Variants in SRGAP1 observed in about 807,000 individuals in gnomAD.
SRGAP1 encodes SLIT-ROBO Rho GTPase-activating protein 1.
Under a neutral mutation model 121.9 loss-of-function variants are expected in SRGAP1, and 43 were observed. The observed-to-expected ratio is 0.35, with a 90% confidence interval of 0.28 to 0.46. SRGAP1 has a LOEUF of 0.46. Ranked by LOEUF, SRGAP1 falls within the 20% of genes least tolerant of loss-of-function variation. The pLI is 1.00. For missense variants in SRGAP1, 1,102 were observed against 1,350.9 expected, an observed-to-expected ratio of 0.82 and a Z score of 2.89; for synonymous variants, 447 against 485.4, an observed-to-expected ratio of 0.92 and a Z score of 1.04.
intron 1 of SRGAP1, among the ~76,000 whole-genome samples, chr12:63,981,381 A>C (rs2033241665): frequency 6.6e-6 from 1 of 152,194 alleles, no homozygotes; most frequent in South Asian, 2.1e-4. Context: ...ACAAACAAAA[A>C]AAACCCCAGA....
At chr12:64,017,428 G>T (rs2034432862) in intron 4 of SRGAP1, among the ~76,000 whole-genome samples, 1 of 152,148 alleles carries the variant, frequency 6.6e-6, no homozygotes, top group Non-Finnish European at 1.5e-5. Flanking sequence ...GCCAAGGCTG[G>T]TGGATCACTT....
At chr12:63,964,470 G>C (rs2032729617) in intron 1 of SRGAP1, among the ~76,000 whole-genome samples, 1 of 151,968 alleles carries the variant, frequency 6.6e-6, no homozygotes, top group Non-Finnish European at 1.5e-5. Context: ...GCCCTAAAGA[G>C]GATTAGTAAC....
At position 64,080,359 on chromosome 12, in the gene SRGAP1, C is replaced by T. The variant is rs758168487; in HGVS notation, c.1397C>T (p.Thr466Ile). ...GCCAAACATGACTTGCTGCAGAGGA[C>T]CCTGGGAGAAGGTGAGTTATCCAAA... is the stretch of plus-strand genomic sequence containing the variant. ...LQAKHDLLQR[T>I]LGEGHRAEYM... The change falls in exon 10 of 22, where the codon ACC becomes ATC. Residue 466 changes from threonine to isoleucine, a missense_variant. Thr to Ile is a moderately conservative substitution (Grantham distance 89). Coordinates refer to ENST00000355086, the MANE Select transcript of SRGAP1 (RefSeq NM_020762.4). The T allele has an allele frequency of 1.2e-6, 2 of 1,613,216 alleles. No homozygotes were observed. Among genetic ancestry groups the T allele is most frequent in the African/African-American group, 2.7e-5 (2 of 74,978 alleles).
At chr12:63,917,218 C>G (rs566958548) in intron 1 of SRGAP1, among the ~76,000 whole-genome samples, 1 of 152,096 alleles carries the variant, frequency 6.6e-6, no homozygotes, top group African/African-American at 2.4e-5. Flanking sequence ...TAGTAAACAC[C>G]GTATAAAGCG....
intron 1 of SRGAP1, among the ~76,000 whole-genome samples, chr12:63,859,195 G>A (rs547839084): frequency 6.6e-6 from 1 of 151,910 alleles, no homozygotes; most frequent in Non-Finnish European, 1.5e-5. Context: ...TTTTTGAGAC[G>A]AGGTCTTACT....
At position 64,127,668 on chromosome 12, in the gene SRGAP1, C is replaced by G; in HGVS notation, c.2484C>G (p.Ser828=). The change falls in exon 20 of 22, where the codon TCC becomes TCG. Residue 828 remains serine (S), a synonymous_variant. Transcript: ENST00000355086. ...ASSGPVTEDK[S]SSKDMNSPTD... is the part of the protein sequence containing the mutation. ...GTGGGCCAGTCACGGAAGACAAGTC[C>G]TCATCCAAGGACATGAACTCCCCGA... 1 of 1,614,104 alleles carries G rather than the reference C, an allele frequency of 6.2e-7. No individual in the cohort carries two copies. The highest frequency in any genetic ancestry group is 8.5e-7 in the Non-Finnish European group (1 of 1,180,014).
chr12:64,077,657 T>TAATA (rs927277580), intron 8 of SRGAP1, among the ~76,000 whole-genome samples: 1 of 151,888 alleles, frequency 6.6e-6, no homozygotes, highest in Non-Finnish European at 1.5e-5. Context: ...ACTAGGAGAT[T>TAATA]AATAAATAAA....
chr12:64,083,427 C>G (rs2035882980), intron 10 of SRGAP1, among the ~76,000 whole-genome samples: 1 of 152,208 alleles, frequency 6.6e-6, no homozygotes, highest in Non-Finnish European at 1.5e-5. Flanking sequence ...TTTTGGTAGG[C>G]TGCCAATGGC....
At chr12:63,900,448 C>T (rs2029878998) in intron 1 of SRGAP1, among the ~76,000 whole-genome samples, 1 of 151,776 alleles carries the variant, frequency 6.6e-6, no homozygotes, top group South Asian at 2.1e-4. Context: ...TTGTGGTCCA[C>T]CCGCCTCAGC....
rs763702001 is a variant in SRGAP1 at position 63,932,320 on chromosome 12, G to A, written c.68-51627G>A. Among the ~76,000 whole-genome samples the A allele has an allele frequency of 7.9e-5, 12 of 152,206 alleles. No homozygotes were observed. The South Asian group carries it at 8.3e-4, about 11-fold the overall frequency. ...AAAATAGATTCTGAGTTTGAAAACC[G>A]TAGAATGTGTCAAATCAAACACATG... is the stretch of plus-strand genomic sequence containing the variant. On this transcript the variant is annotated intron_variant, in intron 1 of 21. Coordinates refer to ENST00000355086, the MANE Select transcript of SRGAP1 (RefSeq NM_020762.4).
At chr12:63,955,046 G>C (rs1045338104) in intron 1 of SRGAP1, among the ~76,000 whole-genome samples, 1 of 152,154 alleles carries the variant, frequency 6.6e-6, no homozygotes, top group African/African-American at 2.4e-5. Flanking sequence ...GGCCCGGCGC[G>C]GTGGCTCGCG....
At chr12:64,041,320 C>T (rs1351245440) in intron 4 of SRGAP1, among the ~76,000 whole-genome samples, 1 of 151,604 alleles carries the variant, frequency 6.6e-6, no homozygotes, top group Non-Finnish European at 1.5e-5. Flanking sequence ...GTAGGATGAT[C>T]TCAGTTTTTT....
At chr12:64,055,039 A>G (rs1181510535) in intron 6 of SRGAP1, among the ~76,000 whole-genome samples, 12 of 151,544 alleles carry the variant, frequency 7.9e-5, no homozygotes, top group Admixed American at 6.6e-4. Flanking sequence ...AGGGTATTCA[A>G]TTAGGAAAAG....
intron 1 of SRGAP1, among the ~76,000 whole-genome samples, chr12:63,976,086 T>C (rs1163569244): frequency 6.6e-6 from 1 of 152,240 alleles, no homozygotes; most frequent in Non-Finnish European, 1.5e-5. Context: ...CCACTGATGC[T>C]TCTAAGCATC....
intron 1 of SRGAP1, among the ~76,000 whole-genome samples, chr12:63,860,032 G>A (rs139194672): frequency 1.2e-4 from 19 of 152,252 alleles, no homozygotes; most frequent in African/African-American, 4.6e-4. Flanking sequence ...CTGGGATGGG[G>A]TCTAACTGTG....
At chr12:63,982,142 C>T (rs1205751918) in intron 1 of SRGAP1, among the ~76,000 whole-genome samples, 1 of 151,620 alleles carries the variant, frequency 6.6e-6, no homozygotes, top group Non-Finnish European at 1.5e-5. Context: ...ACCCGGGAGG[C>T]GGAGCTTGCA....
chr12:63,868,047 TATATATATA>T (rs200835547), intron 1 of SRGAP1, among the ~76,000 whole-genome samples: 4,275 of 33,686 alleles, frequency 0.13, 100 homozygotes, highest in East Asian at 0.22. Context: ...TATATATATA[TATATATATA>T]TTTTTTTTTT....
chr12:63,874,737 T>G (rs1374325550), intron 1 of SRGAP1, among the ~76,000 whole-genome samples: 1 of 152,154 alleles, frequency 6.6e-6, no homozygotes, highest in African/African-American at 2.4e-5. Context: ...GTATATAAAG[T>G]GCTAGAAGAA....
rs114743708 is a variant in SRGAP1, at chr12:64,015,810, G to A, written c.427-1140G>A. Among the ~76,000 whole-genome samples the A allele has an allele frequency of 5.9e-3, 897 of 152,206 alleles. 11 individuals carry two copies. The highest frequency in any genetic ancestry group is 0.021 in the African/African-American group (852 of 41,528). On this transcript the variant is annotated intron_variant, in intron 3 of 21. Coordinates refer to ENST00000355086, the MANE Select transcript of SRGAP1 (RefSeq NM_020762.4). The stretch of plus-strand genomic sequence containing the variant: ...ATAGTCCAGTGAGAGGTACATTCAC[G>A]GACCAGTGGATGTTGTTAATGTTGC...
Sources: gnomAD v4.1 joint callset for allele counts (sites outside exome capture counted in the v4.1 genomes callset) on GRCh38, gnomAD v4.1.1 for gene constraint, MANE v1.5 for transcripts, NCBI Gene and HGNC (gene_info 2026-07-23, HGNC 2026-07-21) for gene names.